The following RPF2 variants were observed in gnomAD, a reference collection of about 807,000 sequenced individuals.
RPF2 encodes the protein ribosome production factor 2 homolog.
In RPF2, 21 loss-of-function variants were observed where a neutral mutation model predicts 38.9. The ratio of observed to expected loss-of-function variants is 0.54; its 90% CI spans 0.38 to 0.78. The LOEUF is 0.78. RPF2 is among the 30% of genes least tolerant of loss of function. RPF2 has a pLI of 0.00. For missense variants in RPF2, 314 were observed against 358.1 expected (o/e 0.88, Z 0.99); for synonymous variants, 121 against 126.2 (o/e 0.96, Z 0.28).
chr6:110,998,929 A>G (rs557199521), intron 5 of RPF2, among the ~76,000 whole-genome samples: 2 of 149,234 alleles, frequency 1.3e-5, no homozygotes, highest in East Asian at 3.9e-4. Flanking sequence ...TGGGTAACAG[A>G]GCAAGTCTTC....
intron 6 of RPF2, among the ~76,000 whole-genome samples, chr6:111,007,438 T>G (rs547563311): frequency 3.3e-5 from 5 of 152,154 alleles, no homozygotes; most frequent in African/African-American, 1.2e-4. Flanking sequence ...AATGTCATCT[T>G]AGCCAGGCCT....
chr6:110,982,666 C>T (rs1178556046), intron 1 of RPF2, among the ~76,000 whole-genome samples: 3 of 152,194 alleles, frequency 2.0e-5, no homozygotes. Context: ...ACTTTGTACA[C>T]TCCTCTGAGT....
intron 5 of RPF2, among the ~76,000 whole-genome samples, chr6:110,997,858 A>AG (rs564282494): frequency 1.0e-4 from 15 of 150,546 alleles, no homozygotes; most frequent in Non-Finnish European, 2.2e-4. Flanking sequence ...GGTATGCTTC[A>AG]GGGGGGTTGG....
At chr6:111,023,686 A>T (rs769407113) in intron 8 of RPF2, among the ~76,000 whole-genome samples, 1 of 152,104 alleles carries the variant, frequency 6.6e-6, no homozygotes, top group African/African-American at 2.4e-5. Flanking sequence ...TCAAAAAGGG[A>T]TAAAAGACTT....
At chr6:110,998,663 C>T (rs1017942153) in intron 5 of RPF2, among the ~76,000 whole-genome samples, 2 of 152,240 alleles carry the variant, frequency 1.3e-5, no homozygotes, top group African/African-American at 2.4e-5. Context: ...CAGACACGCA[C>T]AGGACAGGAG....
At chr6:110,989,649 C>CG (rs1201338429) in intron 3 of RPF2, among the ~76,000 whole-genome samples, 1 of 137,444 alleles carries the variant, frequency 7.3e-6, no homozygotes, top group Non-Finnish European at 1.5e-5. Flanking sequence ...TTTTTTGAGA[C>CG]GGAGTCTAGC....
rs12173839 is a variant in RPF2 at position 111,017,836 on chromosome 6, T to G, written c.596+1980T>G. On this transcript the variant is annotated intron_variant, in intron 8 of 9. Coordinates refer to ENST00000441448, the MANE Select transcript of RPF2 (RefSeq NM_032194.3). ...GGCGGCCAGGCAGAGGCTGCAATCT[T>G]GGCACTTTGGGAGGCCAAGGCAGGC... Among the ~76,000 whole-genome samples the G allele has an allele frequency of 5.2e-4, 78 of 149,738 alleles. 2 individuals carry two copies. The East Asian group carries it at 0.015, about 30-fold the overall frequency.
At chr6:111,012,054 T>C (rs1011391481) in intron 7 of RPF2, among the ~76,000 whole-genome samples, 3 of 150,808 alleles carry the variant, frequency 2.0e-5, no homozygotes, top group African/African-American at 2.4e-5. Context: ...ATGAAGGGCT[T>C]TCATTTAGGA....
intron 6 of RPF2, among the ~76,000 whole-genome samples, chr6:111,002,692 G>A (rs765123341): frequency 8.6e-5 from 13 of 152,016 alleles, no homozygotes; most frequent in Non-Finnish European, 1.9e-4. Flanking sequence ...CTCATGGAGT[G>A]CATATATAAC....
Position 110,982,123 on chromosome 6 carries a change from G to T in RPF2, c.17G>T (p.Arg6Leu). Residue 6 changes from arginine to leucine, a missense_variant, in exon 1 of 10, where the codon CGA becomes CTA. Coordinates refer to ENST00000441448, the MANE Select transcript of RPF2 (RefSeq NM_032194.3). ...GCGGTAGCGATGGACACTCTGGATCGAGTAGTGTAAGTGCGCTGGGTCTCA... is the reference window on the plus strand; with the variant it reads ...GCGGTAGCGATGGACACTCTGGATCTAGTAGTGTAAGTGCGCTGGGTCTCA... MDTLD[R>L]VVKPKTKRAK... 3 of 1,614,204 alleles carry T rather than the reference G, an allele frequency of 1.9e-6. No individual in the cohort carries two copies. The highest frequency in any genetic ancestry group is 2.5e-6 in the Non-Finnish European group (3 of 1,180,032).
intron 6 of RPF2, among the ~76,000 whole-genome samples, chr6:111,000,731 T>C (rs1230171081): frequency 6.6e-6 from 1 of 152,164 alleles, no homozygotes; most frequent in Non-Finnish European, 1.5e-5. Flanking sequence ...CTCATAGCAA[T>C]CTGGGTAAGG....
intron 6 of RPF2, 131 bp from the exon 7 acceptor site, chr6:111,007,907 A>T: frequency 9.3e-7 from 1 of 1,069,808 alleles, no homozygotes; most frequent in South Asian, 2.2e-5. Context: ...AGATTGTGCC[A>T]CTGCACTCCA....
At chr6:110,983,671 C>T (rs973406533) in intron 1 of RPF2, among the ~76,000 whole-genome samples, 1 of 152,118 alleles carries the variant, frequency 6.6e-6, no homozygotes, top group African/African-American at 2.4e-5. Context: ...GGCCTGTTTA[C>T]TTGCTGTGTG....
intron 2 of RPF2, among the ~76,000 whole-genome samples, chr6:110,986,870 T>C (rs1771534129): frequency 1.3e-5 from 2 of 151,436 alleles, no homozygotes; most frequent in Admixed American, 1.3e-4. Flanking sequence ...GAAAATCTGC[T>C]TGGACCTGGG....
intron 7 of RPF2, among the ~76,000 whole-genome samples, 197 bp downstream of exon 7, chr6:111,008,334 T>C (rs996761801): frequency 7.9e-5 from 12 of 152,112 alleles, no homozygotes; most frequent in African/African-American, 2.9e-4. Context: ...TAATCTTCTC[T>C]GTATGGTTCC....
At chr6:111,023,999 A>T (rs1377614053) in intron 8 of RPF2, among the ~76,000 whole-genome samples, 184 bp from the exon 9 acceptor site, 1 of 152,082 alleles carries the variant, frequency 6.6e-6, no homozygotes, top group Non-Finnish European at 1.5e-5. Flanking sequence ...AAAAAAAAAA[A>T]TTTATAAAAG....
chr6:111,021,273 T>C (rs1772230301), intron 8 of RPF2, among the ~76,000 whole-genome samples: 1 of 152,210 alleles, frequency 6.6e-6, no homozygotes, highest in African/African-American at 2.4e-5. Context: ...TAGCACGACA[T>C]CTTTCATAAT....
intron 8 of RPF2, among the ~76,000 whole-genome samples, chr6:111,023,386 G>A (rs1772266552): frequency 6.6e-6 from 1 of 152,156 alleles, no homozygotes; most frequent in Non-Finnish European, 1.5e-5. Flanking sequence ...TTCTGAATGG[G>A]TTGGTTTAAC....
intron 5 of RPF2, among the ~76,000 whole-genome samples, chr6:110,999,201 T>C (rs1771770931): frequency 6.6e-6 from 1 of 152,070 alleles, no homozygotes; most frequent in African/African-American, 2.4e-5. Context: ...ACTTTATACT[T>C]GCATTGAGTG....
Sources: allele counts gnomAD v4.1 joint callset (sites outside exome capture counted in the v4.1 genomes callset), GRCh38; gene constraint gnomAD v4.1.1; transcripts MANE v1.5; gene names NCBI Gene and HGNC (gene_info 2026-07-23, HGNC 2026-07-21).